Variants in XPR1 observed in about 807,000 individuals in gnomAD.
The protein encoded by XPR1 is solute carrier family 53 member 1.
Under a neutral mutation model 87.5 loss-of-function variants are expected in XPR1, and 28 were observed. The ratio of observed to expected loss-of-function variants is 0.32; its 90% CI spans 0.24 to 0.44. The LOEUF is 0.44. Among genes scored for constraint, XPR1 ranks in the 20% least tolerant of loss-of-function variants. The pLI, the probability that XPR1 is intolerant of heterozygous loss-of-function variation, is 1.00. For synonymous variants in XPR1, 300 were observed against 306.1 expected (o/e 0.98, Z 0.21); for missense variants, 559 against 862.3 (o/e 0.65, Z 4.41).
At chr1:180,813,887 A>G (rs1650311637) in intron 7 of XPR1, among the ~76,000 whole-genome samples, 1 of 152,218 alleles carries the variant, frequency 6.6e-6, no homozygotes, top group South Asian at 2.1e-4. Flanking sequence ...CTTTTGCATC[A>G]ACCTGTATGA....
chr1:180,693,881 G>A (rs1251839855), intron 2 of XPR1, among the ~76,000 whole-genome samples: 1 of 152,080 alleles, frequency 6.6e-6, no homozygotes. Context: ...CAGATTCTAG[G>A]GATTTGATAT....
intron 5 of XPR1, 57 bp from the exon 6 acceptor site, chr1:180,806,417 T>C (rs1649993953): frequency 6.4e-7 from 1 of 1,568,142 alleles, no homozygotes; most frequent in Non-Finnish European, 8.8e-7. Context: ...CAGAATTATT[T>C]GTGCATCACT....
chr1:180,888,336 ATTG>A lies in XPR1; in HGVS notation c.*4273_*4275del, dbSNP rs1389444104. 6.6e-6 allele frequency: 1 copy of A among 151,546 alleles called. No homozygotes were observed. The highest frequency in any genetic ancestry group is 6.6e-5 in the Admixed American group (1 of 15,144). 9.4% of individuals were successfully genotyped at this position (151,546 alleles called of 1,614,324 possible). On this transcript the variant is annotated 3_prime_UTR_variant, in exon 15 of 15. Coordinates refer to ENST00000367590, the MANE Select transcript of XPR1 (RefSeq NM_004736.4). ...TCTGGTAAGCAGATTTCAGGTCATT[ATTG>A]TTTTCTTTTAATGGTTTACATGAAA...
chr1:180,725,305 T>A (rs1658300394), intron 2 of XPR1, among the ~76,000 whole-genome samples: 1 of 152,206 alleles, frequency 6.6e-6, no homozygotes, highest in Non-Finnish European at 1.5e-5. Context: ...AGTGTGAATT[T>A]TTTTTGAAGA....
intron 2 of XPR1, among the ~76,000 whole-genome samples, chr1:180,757,195 T>C (rs73036513): frequency 0.017 from 2,553 of 152,236 alleles, 78 homozygotes; most frequent in African/African-American, 0.056. Context: ...TCTTTCAAAG[T>C]AGGGGTGACA....
intron 11 of XPR1, among the ~76,000 whole-genome samples, chr1:180,855,201 G>C (rs923145784): frequency 5.3e-5 from 8 of 151,814 alleles, no homozygotes; most frequent in Non-Finnish European, 1.0e-4. Flanking sequence ...AATATTACAG[G>C]AAAGAAAAAA....
chr1:180,715,539 C>T (rs143420146), intron 2 of XPR1, among the ~76,000 whole-genome samples: 117 of 152,270 alleles, frequency 7.7e-4, no homozygotes, highest in African/African-American at 2.4e-3. Flanking sequence ...GGCATTTCAG[C>T]ATTCTTTCCA....
At chr1:180,725,387 GA>G (rs550458206) in intron 2 of XPR1, among the ~76,000 whole-genome samples, 10 of 151,814 alleles carry the variant, frequency 6.6e-5, no homozygotes, top group East Asian at 1.9e-4. Flanking sequence ...AAATTTGGGG[GA>G]AAAAAAGGAT....
Position 180,825,153 on chromosome 1 carries a change from A to G in XPR1, c.955-12A>G, listed in dbSNP as rs762623550. 25 of 1,589,304 alleles carry G rather than the reference A, an allele frequency of 1.6e-5. No individual in the cohort carries two copies. In the Admixed American group the frequency reaches 1.7e-4, roughly 11 times the overall value. On this transcript the variant is annotated splice_polypyrimidine_tract_variant and intron_variant, in intron 8 of 14. Coordinates refer to ENST00000367590, the MANE Select transcript of XPR1 (RefSeq NM_004736.4). ...TTTTCTCTATCTTTCTGTCTTCCCC[A>G]TCCTTTACTAGATTGCTGGATTCCT...
At chr1:180,881,858 C>G (rs1464095543) in intron 14 of XPR1, among the ~76,000 whole-genome samples, 4 of 151,604 alleles carry the variant, frequency 2.6e-5, no homozygotes, top group Non-Finnish European at 5.9e-5. Context: ...CAAACACAGA[C>G]AAGAGAAAAA....
At chr1:180,643,510 T>G (rs1485037166) in intron 1 of XPR1, among the ~76,000 whole-genome samples, 6 of 152,182 alleles carry the variant, frequency 3.9e-5, no homozygotes, top group African/African-American at 1.4e-4. Context: ...TCAGTGTCCA[T>G]CATCTAGCAC....
At chr1:180,716,866 G>A (rs369440805) in intron 2 of XPR1, among the ~76,000 whole-genome samples, 17 of 152,146 alleles carry the variant, frequency 1.1e-4, no homozygotes, top group African/African-American at 1.7e-4. Context: ...TTGGCCTCCA[G>A]GTCCTCCTTC....
At chr1:180,865,466 T>C (rs1279690607) in intron 12 of XPR1, among the ~76,000 whole-genome samples, 9 of 151,598 alleles carry the variant, frequency 5.9e-5, no homozygotes, top group Non-Finnish European at 1.2e-4. Context: ...AGTGGCACGA[T>C]CTCGGCTCAC....
At chr1:180,667,390 T>C (rs1158796500) in intron 1 of XPR1, among the ~76,000 whole-genome samples, 4 of 152,230 alleles carry the variant, frequency 2.6e-5, no homozygotes, top group African/African-American at 9.6e-5. Flanking sequence ...GTGTATTACA[T>C]TGATTGATTT....
At chr1:180,877,329 A>G (rs1235414196) in intron 13 of XPR1, among the ~76,000 whole-genome samples, 1 of 152,248 alleles carries the variant, frequency 6.6e-6, no homozygotes, top group African/African-American at 2.4e-5. Context: ...GTGAAAGGAT[A>G]GACAATCCAC....
rs567903048 is a variant in XPR1, at chr1:180,704,814, G to GTTTTTTTTTTTTT, written c.121+22416_121+22428dup. ...GCCATTTTTCCAGGGACTGTTGGTT[G>GTTTTTTTTTTTTT]TTTTTTTTTTTTTTTTTTTTTTTTT... On this transcript the variant is annotated intron_variant, in intron 2 of 14. Coordinates refer to ENST00000367590, the MANE Select transcript of XPR1 (RefSeq NM_004736.4). 3.7e-4 allele frequency among the ~76,000 whole-genome samples: 19 copies of GTTTTTTTTTTTTT among 51,958 alleles called. 2 individuals carry two copies. Among genetic ancestry groups the GTTTTTTTTTTTTT allele is most frequent in the African/African-American group, 4.4e-4 (6 of 13,532 alleles). The allele number at this position is 51,958 out of a possible 152,430, so 34.1% of individuals were successfully genotyped here.
At chr1:180,832,818 T>C (rs1002779956) in intron 9 of XPR1, among the ~76,000 whole-genome samples, 1 of 152,224 alleles carries the variant, frequency 6.6e-6, no homozygotes, top group African/African-American at 2.4e-5. Context: ...TTTGTTCTTT[T>C]TGCTTAGGAT....
At chr1:180,881,727 G>C (rs549525033) in intron 14 of XPR1, among the ~76,000 whole-genome samples, 1 of 152,292 alleles carries the variant, frequency 6.6e-6, no homozygotes, top group Admixed American at 6.5e-5. Context: ...GGATATAGAG[G>C]AGTAGAGTAG....
chr1:180,658,856 A>G (rs926976421), intron 1 of XPR1, among the ~76,000 whole-genome samples: 1 of 151,874 alleles, frequency 6.6e-6, no homozygotes, highest in African/African-American at 2.4e-5. Flanking sequence ...GGAGTGAGCC[A>G]CTGCACCCGG....
Sources: allele counts gnomAD v4.1 joint callset (sites outside exome capture counted in the v4.1 genomes callset), GRCh38; gene constraint gnomAD v4.1.1; transcripts MANE v1.5; gene names NCBI Gene and HGNC (gene_info 2026-07-23, HGNC 2026-07-21).